The following PER2 variants were observed in gnomAD, a reference collection of about 807,000 sequenced individuals.
PER2 encodes period circadian regulator 2, also known as period circadian protein homolog 2.
PER2 carries 66 observed loss-of-function variants against 121.0 expected under a neutral mutation model. The ratio of observed to expected loss-of-function variants is 0.55; its 90% CI spans 0.45 to 0.67. The LOEUF (loss-of-function observed/expected upper bound fraction) is 0.67. Among genes scored for constraint, PER2 ranks in the 30% least tolerant of loss-of-function variants. The pLI, the probability that PER2 is intolerant of heterozygous loss-of-function variation, is 0.00. For missense variants in PER2, 1,521 were observed against 1,635.0 expected, an observed-to-expected ratio of 0.93 and a Z score of 1.20; for synonymous variants, 684 against 659.9, an observed-to-expected ratio of 1.04 and a Z score of -0.56.
upstream of PER2, chr2:238,290,027 C>T (rs1216056615): frequency 6.6e-6 from 1 of 152,258 alleles, no homozygotes; most frequent in Admixed American, 6.5e-5. Flanking sequence ...TTCTTCTTTA[C>T]CTGGACTCAC....
At chr2:238,288,868 A>T (rs1696878883), upstream of PER2, among the ~76,000 whole-genome samples, 2 of 152,000 alleles carry the variant, frequency 1.3e-5, no homozygotes, top group East Asian at 3.9e-4. Flanking sequence ...TCTCATCTGC[A>T]TACATGAGGG....
At chr2:238,272,950 C>G in intron 5 of PER2, 120 bp downstream of exon 5, 1 of 893,506 alleles carries the variant, frequency 1.1e-6, no homozygotes, top group South Asian at 1.3e-5. Flanking sequence ...AAGGTAGGAA[C>G]TTATCTGCTG....
chr2:238,250,707 C>T lies in PER2; in HGVS notation c.3311G>A (p.Gly1104Glu). 1 of 1,613,984 alleles carries T rather than the reference C, an allele frequency of 6.2e-7. No individual in the cohort carries two copies. The highest frequency in any genetic ancestry group is 1.1e-5 in the South Asian group (1 of 91,072). Residue 1104 changes from glycine (G) to glutamate (E), a missense_variant, in exon 21 of 23, where the codon GGA (glycine) becomes GAA (glutamate). Coordinates refer to ENST00000254657, the MANE Select transcript of PER2 (RefSeq NM_022817.3). The part of the protein sequence containing the change: ...SDTSHTSKYF[G>E]SIDSSENNHK... ...ATTATTCTCTGAGGAGTCAATGCTT[C>T]CAAAATATTTGCTGGTATGACTTGT...
chr2:238,292,958 G>A (rs1393465834), upstream of PER2, among the ~76,000 whole-genome samples: 1 of 150,810 alleles, frequency 6.6e-6, no homozygotes, highest in African/African-American at 2.4e-5. Context: ...GGCTGGTCTC[G>A]AACTCCTGAC....
At chr2:238,251,448 G>A (rs1232127361) in intron 20 of PER2, 151 bp downstream of exon 20, 4 of 725,444 alleles carry the variant, frequency 5.5e-6, no homozygotes, top group South Asian at 1.5e-5. Flanking sequence ...CAGGGAGAGT[G>A]TGTCTGTGTG....
At chr2:238,251,073 C>T (rs1428202959) in intron 20 of PER2, among the ~76,000 whole-genome samples, 1 of 152,240 alleles carries the variant, frequency 6.6e-6, no homozygotes, top group African/African-American at 2.4e-5. Flanking sequence ...CAGTTTCCCA[C>T]AAGGGGAGGC....
At chr2:238,262,827 G>A (rs567072555) in intron 10 of PER2, 125 bp downstream of exon 10, 37 of 726,714 alleles carry the variant, frequency 5.1e-5, no homozygotes, top group Admixed American at 8.0e-5. Context: ...CGAGGCGGGC[G>A]TCTACCACCT....
intron 17 of PER2, among the ~76,000 whole-genome samples, chr2:238,256,403 C>T (rs1003922537): frequency 2.0e-5 from 3 of 152,228 alleles, no homozygotes; most frequent in African/African-American, 7.2e-5. Context: ...TTATCATTTC[C>T]CTCTTCTTAG....
At chr2:238,259,914 T>C (rs1695875455) in intron 14 of PER2, 55 bp downstream of exon 14, 1 of 833,606 alleles carries the variant, frequency 1.2e-6, no homozygotes, top group African/African-American at 1.7e-5. Flanking sequence ...TTCCCTCTTC[T>C]CATGTGGCCA....
intron 14 of PER2, among the ~76,000 whole-genome samples, chr2:238,259,435 C>T (rs554057476): frequency 5.8e-4 from 88 of 152,300 alleles, no homozygotes; most frequent in African/African-American, 1.8e-3. Context: ...GGAAGTGTGG[C>T]GCTGTGGTAG....
At chr2:238,250,515 C>T (rs377717626) in intron 21 of PER2, 36 bp downstream of exon 21, 352 of 1,493,926 alleles carry the variant, frequency 2.4e-4, no homozygotes, top group Non-Finnish European at 2.6e-4. Flanking sequence ...GAACCCCATC[C>T]CTCCCCAGGT....
intron 17 of PER2, among the ~76,000 whole-genome samples, chr2:238,256,180 C>G (rs1359157376): frequency 3.3e-5 from 5 of 152,218 alleles, no homozygotes; most frequent in African/African-American, 9.6e-5. Context: ...TGGGCTTCAG[C>G]TCTGCTGCTG....
chr2:238,297,417 G>A, the PER2 span, among the ~76,000 whole-genome samples: 1 of 152,172 alleles, frequency 6.6e-6, no homozygotes, highest in East Asian at 1.9e-4. Context: ...CACCCGGCAG[G>A]GCCTCTGAAT....
At chr2:238,300,017 G>C in the PER2 span, 1 of 152,234 alleles carries the variant, frequency 6.6e-6, no homozygotes, top group Non-Finnish European at 1.5e-5. Flanking sequence ...TTCGCAGTGT[G>C]GTGGCGAAGG....
chr2:238,264,111 T>C (rs1297008320), intron 9 of PER2, among the ~76,000 whole-genome samples: 1 of 152,180 alleles, frequency 6.6e-6, no homozygotes, highest in Non-Finnish European at 1.5e-5. Context: ...CAAGGAGAGC[T>C]TGCAGGCTGT....
chr2:238,295,899 AC>A, the PER2 span: 1 of 213,932 alleles, frequency 4.7e-6, no homozygotes. Context: ...TGCCACCCAC[AC>A]CCGGGGAACT....
rs962808354 is a variant in PER2 at position 238,258,383 on chromosome 2, T to C, written c.1793A>G (p.Asn598Ser). 13 of 1,614,172 alleles carry C rather than the reference T, an allele frequency of 8.1e-6. No individual in the cohort carries two copies. The highest frequency in any genetic ancestry group is 1.6e-4 in the Middle Eastern group (1 of 6,062). ...TTTCCTCTTCAGGGTGGCAGCCTCATTGCAGCTCTCCAAGTACCTGTGTGA... is the reference window on the plus strand; with the variant it reads ...TTTCCTCTTCAGGGTGGCAGCCTCACTGCAGCTCTCCAAGTACCTGTGTGA... ...DSVIRYLESC[N>S]EAATLKRKCE... The change falls in exon 16 of 23, where the codon AAT (asparagine) becomes AGT (serine). Residue 598 changes from asparagine to serine, a missense_variant. Asn to Ser is a conservative substitution (Grantham distance 46). Coordinates refer to ENST00000254657, the MANE Select transcript of PER2 (RefSeq NM_022817.3).
At position 238,246,518 on chromosome 2, in the gene PER2, C is replaced by T; in HGVS notation, c.3625G>A (p.Val1209Ile). 6.4e-7 allele frequency: 1 copy of T among 1,555,686 alleles called. No homozygotes were observed. The highest frequency in any genetic ancestry group is 8.9e-7 in the Non-Finnish European group (1 of 1,127,314). Residue 1209 changes from valine to isoleucine, a missense_variant, in exon 23 of 23, where the codon GTT becomes ATT. Coordinates refer to ENST00000254657, the MANE Select transcript of PER2 (RefSeq NM_022817.3). ...CCTTTTTCCTTGTTTTCACAGTAAACACATTCCTTAAAAGAAAAAAAAAGA... is the reference window on the plus strand; with the variant it reads ...CCTTTTTCCTTGTTTTCACAGTAAATACATTCCTTAAAAGAAAAAAAAAGA... ...LPAAIDVAECVYCENKEKGNI... is the reference protein window; with the variant it reads ...LPAAIDVAECIYCENKEKGNI...
intron 12 of PER2, among the ~76,000 whole-genome samples, chr2:238,261,167 A>C (rs1412190177): frequency 6.6e-6 from 1 of 152,232 alleles, no homozygotes; most frequent in Non-Finnish European, 1.5e-5. Flanking sequence ...ACATGCAGTC[A>C]CCGAGGAGAC....
Sources: allele counts gnomAD v4.1 joint callset (sites outside exome capture counted in the v4.1 genomes callset), GRCh38; gene constraint gnomAD v4.1.1; transcripts MANE v1.5; gene names NCBI Gene and HGNC (gene_info 2026-07-23, HGNC 2026-07-21).